SPMIP7: variants seen among roughly 807,000 people sequenced by gnomAD.
SPMIP7 encodes sperm microtubule inner protein 7, also known as protein SPMIP7.
chr7:50,136,030 C>T, the SPMIP7 span: 2 of 1,164,514 alleles, frequency 1.7e-6, no homozygotes, highest in East Asian at 2.6e-5. Context: ...GTCAAGGGGA[C>T]AGGAGTTTAT....
the SPMIP7 span, among the ~76,000 whole-genome samples, chr7:50,116,156 C>T: frequency 6.6e-6 from 1 of 152,192 alleles, no homozygotes; most frequent in Non-Finnish European, 1.5e-5. Flanking sequence ...TGCTTTGTCA[C>T]CCAGGCTGGA....
chr7:50,128,655 T>C, the SPMIP7 span, among the ~76,000 whole-genome samples: 1 of 151,896 alleles, frequency 6.6e-6, no homozygotes, highest in Non-Finnish European at 1.5e-5. Flanking sequence ...GAATAGAAGG[T>C]ACATGCGGAA....
the SPMIP7 span, among the ~76,000 whole-genome samples, chr7:50,111,153 T>C: frequency 6.7e-6 from 1 of 149,992 alleles, no homozygotes; most frequent in Admixed American, 6.7e-5. Flanking sequence ...AATGGTGTCA[T>C]TGTCTGGGGT....
the SPMIP7 span, among the ~76,000 whole-genome samples, chr7:50,137,773 G>T: frequency 5.3e-5 from 8 of 152,162 alleles, no homozygotes; most frequent in Non-Finnish European, 1.0e-4. Context: ...ATCAGTTTTT[G>T]CAAGTTTATG....
the SPMIP7 span, among the ~76,000 whole-genome samples, chr7:50,123,410 A>T: frequency 8.7e-6 from 1 of 114,820 alleles, no homozygotes; most frequent in Non-Finnish European, 1.7e-5. Flanking sequence ...CACTCTGGGG[A>T]CTGTTGTGGG....
At chr7:50,103,897 C>T in the SPMIP7 span, among the ~76,000 whole-genome samples, 2 of 152,148 alleles carry the variant, frequency 1.3e-5, no homozygotes, top group Non-Finnish European at 2.9e-5. Flanking sequence ...TATATAAAAG[C>T]TTCCAATTAC....
the SPMIP7 span, chr7:50,104,173 A>T: frequency 2.4e-6 from 1 of 419,732 alleles, no homozygotes; most frequent in African/African-American, 2.0e-5. Flanking sequence ...CAGCTAAAAG[A>T]TCCAGAAAAG....
chr7:50,126,246 A>G, the SPMIP7 span, among the ~76,000 whole-genome samples: 1 of 152,102 alleles, frequency 6.6e-6, no homozygotes, highest in Non-Finnish European at 1.5e-5. Context: ...TCCTAAAAAA[A>G]GATAAAGGAA....
chr7:50,149,803 C>T, the SPMIP7 span, among the ~76,000 whole-genome samples: 1 of 152,148 alleles, frequency 6.6e-6, no homozygotes, highest in African/African-American at 2.4e-5. Context: ...TATGTATTTT[C>T]CCCCTAACAT....
the SPMIP7 span, among the ~76,000 whole-genome samples, chr7:50,119,775 C>A: frequency 6.6e-6 from 1 of 152,178 alleles, no homozygotes; most frequent in African/African-American, 2.4e-5. Context: ...TGCTTCCGAG[C>A]ATTGAATACT....
the SPMIP7 span, among the ~76,000 whole-genome samples, chr7:50,152,221 C>T: frequency 5.3e-5 from 8 of 152,046 alleles, no homozygotes; most frequent in Non-Finnish European, 2.9e-5. Context: ...GTGGTGGGCA[C>T]CTGTAATCCC....
At chr7:50,124,058 G>A in the SPMIP7 span, among the ~76,000 whole-genome samples, 1 of 152,004 alleles carries the variant, frequency 6.6e-6, no homozygotes, top group Admixed American at 6.6e-5. Context: ...TACATACAAT[G>A]TAAATAAAAT....
chr7:50,152,269 C>T, the SPMIP7 span, among the ~76,000 whole-genome samples: 1,438 of 152,166 alleles, frequency 9.5e-3, 20 homozygotes, highest in African/African-American at 0.032. Context: ...ATCACTTGAA[C>T]CTGGGAGGTG....
the SPMIP7 span, among the ~76,000 whole-genome samples, chr7:50,110,346 T>C: frequency 6.7e-6 from 1 of 150,124 alleles, no homozygotes; most frequent in Admixed American, 6.7e-5. Flanking sequence ...CTTTTCTACA[T>C]AGCAATGATA....
At chr7:50,102,418 C>T in the SPMIP7 span, among the ~76,000 whole-genome samples, 1 of 152,176 alleles carries the variant, frequency 6.6e-6, no homozygotes, top group Non-Finnish European at 1.5e-5. Flanking sequence ...CAGATTGTTG[C>T]AGAATCCAGT....
the SPMIP7 span, chr7:50,104,346 C>A: frequency 6.5e-7 from 1 of 1,541,624 alleles, no homozygotes; most frequent in Non-Finnish European, 8.8e-7. Flanking sequence ...TACTCCCTTA[C>A]AACCTCATCA....
chr7:50,140,157 G>A, the SPMIP7 span: 29 of 1,506,784 alleles, frequency 1.9e-5, no homozygotes, highest in Non-Finnish European at 2.6e-5. Context: ...TCAAGTTCTA[G>A]AAGTAAATAT....
At chr7:50,145,595 T>TGC in the SPMIP7 span, among the ~76,000 whole-genome samples, 1 of 82,370 alleles carries the variant, frequency 1.2e-5, no homozygotes, top group Non-Finnish European at 2.7e-5. Flanking sequence ...TGCGTGTGTG[T>TGC]GTGTGTGTGT....
the SPMIP7 span, among the ~76,000 whole-genome samples, chr7:50,126,405 C>T: frequency 2.6e-5 from 4 of 151,056 alleles, no homozygotes; most frequent in African/African-American, 9.7e-5. Context: ...GAAGACTTAC[C>T]ACAGTGAAAA....
Sources: allele counts gnomAD v4.1 joint callset (sites outside exome capture counted in the v4.1 genomes callset), GRCh38; gene constraint gnomAD v4.1.1; transcripts MANE v1.5; gene names NCBI Gene and HGNC (gene_info 2026-07-23, HGNC 2026-07-21).